The following DMXL1 variants were observed in gnomAD, a reference collection of about 807,000 sequenced individuals.
DMXL1 encodes dmX-like protein 1.
In DMXL1, 99 loss-of-function variants were observed where a neutral mutation model predicts 319.2. The ratio of observed to expected loss-of-function variants is 0.31; its 90% confidence interval spans 0.26 to 0.37. The LOEUF (loss-of-function observed/expected upper bound fraction) is 0.37, where lower values mean the gene tolerates loss of function less well. Among genes scored for constraint, DMXL1 ranks in the 10% least tolerant of loss-of-function variants. The pLI is 1.00. For missense variants in DMXL1, 3,745 were observed against 3,595.6 expected, an observed-to-expected ratio of 1.04 and a Z score of -1.06; for synonymous variants, 1,385 against 1,235.2, an observed-to-expected ratio of 1.12 and a Z score of -2.54.
intron 9 of DMXL1, chr5:119,128,221 G>A (rs1301385618): frequency 1.3e-5 from 5 of 392,532 alleles, no homozygotes; most frequent in Admixed American, 6.2e-5. Flanking sequence ...TGGATACTCT[G>A]GAGAATACAG....
Position 119,221,058 on chromosome 5 carries a change from C to G in DMXL1, c.8254C>G (p.Gln2752Glu). Residue 2752 changes from glutamine (Q) to glutamate (E), a missense_variant, in exon 37 of 44, where the codon CAG (glutamine) becomes GAG (glutamate). This residue lies in a region of DMXL1 where 1,382 missense variants were observed against 1,269.5 expected (regional missense o/e 1.09). Transcript: ENST00000539542. Reference sequence around the variant, plus strand: ...CAACATGCCATGGCTTGGTAGTACACAGACTGGCAGAGGAGCATCTGTGGT... The same window carrying G: ...CAACATGCCATGGCTTGGTAGTACAGAGACTGGCAGAGGAGCATCTGTGGT... ...PINMPWLGSTQTGRGASVMIK... is the reference protein window; with the variant it reads ...PINMPWLGSTETGRGASVMIK... The G allele has an allele frequency of 2.5e-6, 4 of 1,612,502 alleles. No homozygotes were observed. Among genetic ancestry groups the G allele is most frequent in the Non-Finnish European group, 3.4e-6 (4 of 1,179,302 alleles).
chr5:119,080,952 C>G (rs1171966356), intron 1 of DMXL1, among the ~76,000 whole-genome samples: 1 of 152,234 alleles, frequency 6.6e-6, no homozygotes, highest in African/African-American at 2.4e-5. Context: ...ATCTGGCTAA[C>G]TCATCCCTAA....
At position 119,189,726 on chromosome 5, in the gene DMXL1, A is replaced by G. The variant is rs1778372292; in HGVS notation, c.7154A>G (p.Glu2385Gly). The change falls in exon 29 of 44, where the codon GAA becomes GGA. Residue 2385 changes from glutamate (E) to glycine (G), a missense_variant. Transcript: ENST00000539542. ...KTLPVSSLVE[E>G]GEKQNKRFRP... is the part of the protein sequence containing the mutation. ...TTGTTAGTTTCTTCACTAGTTGAAG[A>G]AGGAGAAAAACAGAACAAACGTTTT... 3 of 1,613,900 alleles carry G rather than the reference A, an allele frequency of 1.9e-6. No homozygotes were observed. The highest frequency in any genetic ancestry group is 2.7e-5 in the African/African-American group (2 of 75,016).
At chr5:119,100,966 A>G (rs1047878104) in intron 2 of DMXL1, among the ~76,000 whole-genome samples, 7 of 151,082 alleles carry the variant, frequency 4.6e-5, no homozygotes, top group African/African-American at 1.7e-4. Flanking sequence ...ATTTTTTAGT[A>G]AAGACGGGGT....
chr5:119,147,293 G>A lies in DMXL1; in HGVS notation c.2734G>A (p.Glu912Lys), dbSNP rs1768790244. 1 of 1,613,374 alleles carries A rather than the reference G, an allele frequency of 6.2e-7. No individual in the cohort carries two copies. Among genetic ancestry groups the A allele is most frequent in the African/African-American group, 1.3e-5 (1 of 74,866 alleles). The change falls in exon 17 of 44, where the codon GAA (glutamate) becomes AAA (lysine). Residue 912 changes from glutamate (E) to lysine (K), a missense_variant. Coordinates refer to ENST00000539542, the MANE Select transcript of DMXL1 (RefSeq NM_001290321.3). ...TKLSEAVWQP[E>K]EHYSSSPEKI... Reference sequence around the variant, plus strand: ...ATTATCCGAAGCGGTTTGGCAGCCAGAAGAACATTATTCTTCTTCTCCAGA... The same window carrying A: ...ATTATCCGAAGCGGTTTGGCAGCCAAAAGAACATTATTCTTCTTCTCCAGA...
Position 119,239,001 on chromosome 5 carries a change from C to A in DMXL1, c.8572C>A (p.His2858Asn). 1 of 1,613,748 alleles carries A rather than the reference C, an allele frequency of 6.2e-7. No homozygotes were observed. Among genetic ancestry groups the A allele is most frequent in the South Asian group, 1.1e-5 (1 of 91,054 alleles). ...GTAACCATTCCAGACTTGGCAGTGT[C>A]ATAACAAAACAGCCAATGATTTTGT... The part of the protein sequence containing the change: ...MPKPYLTWQC[H>N]NKTANDFVFV... Residue 2858 changes from histidine (H) to asparagine (N), a missense_variant, in exon 41 of 44, where the codon CAT becomes AAT. Physicochemically the swap from His to Asn is moderately conservative, Grantham distance 68 (BLOSUM62 1). Transcript: ENST00000539542.
At chr5:119,093,913 A>G (rs1221395052) in intron 1 of DMXL1, among the ~76,000 whole-genome samples, 3 of 152,226 alleles carry the variant, frequency 2.0e-5, no homozygotes, top group Admixed American at 2.0e-4. Context: ...ACTCTTCTCA[A>G]TTCCGTGAAG....
At chr5:119,124,269 T>G (rs1245632058) in intron 9 of DMXL1, among the ~76,000 whole-genome samples, 2 of 149,542 alleles carry the variant, frequency 1.3e-5, no homozygotes, top group Non-Finnish European at 3.0e-5. Context: ...GAGCCGAGAT[T>G]ACACTACTGC....
At chr5:119,135,674 C>G (rs975985174) in intron 13 of DMXL1, among the ~76,000 whole-genome samples, 4 of 152,116 alleles carry the variant, frequency 2.6e-5, no homozygotes, top group Non-Finnish European at 1.5e-5. Context: ...CTCACAAGAT[C>G]TGATGATCTT....
At chr5:119,178,769 A>G in intron 28 of DMXL1, 1 of 463,356 alleles carries the variant, frequency 2.2e-6, no homozygotes. Flanking sequence ...ACAGTGGGAC[A>G]GTTTTATTTT....
chr5:119,110,354 A>G, intron 5 of DMXL1, 71 bp downstream of exon 5: 1 of 1,375,358 alleles, frequency 7.3e-7, no homozygotes, highest in Non-Finnish European at 9.6e-7. Flanking sequence ...AATGTATTTT[A>G]GTTGTGTAAA....
intron 9 of DMXL1, among the ~76,000 whole-genome samples, chr5:119,123,463 G>A (rs1762771719): frequency 1.4e-5 from 2 of 144,568 alleles, no homozygotes; most frequent in Admixed American, 1.4e-4. Context: ...AGGAGGAGAG[G>A]TAGAGGGAGA....
chr5:119,236,502 A>T (rs1787780484), intron 39 of DMXL1: 1 of 152,062 alleles, frequency 6.6e-6, no homozygotes, highest in African/African-American at 2.4e-5. Flanking sequence ...CAGCACAAGA[A>T]TGATCTAAAT....
intron 32 of DMXL1, among the ~76,000 whole-genome samples, chr5:119,200,935 G>A (rs1412601548): frequency 2.0e-5 from 3 of 152,158 alleles, no homozygotes; most frequent in African/African-American, 7.2e-5. Flanking sequence ...CTGAAACTTT[G>A]CTAAGTTGTT....
At chr5:119,100,352 C>T (rs921131646) in intron 2 of DMXL1, among the ~76,000 whole-genome samples, 5 of 151,560 alleles carry the variant, frequency 3.3e-5, no homozygotes, top group East Asian at 1.9e-4. Context: ...AGGAGAATCG[C>T]TTGAACCCGG....
rs575087562 is a variant in DMXL1, at chr5:119,127,253, A to G, written c.1103-1958A>G. 2.3e-5 allele frequency: 5 copies of G among 217,096 alleles called. No individual in the cohort carries two copies. The South Asian group carries it at 3.6e-4, about 16-fold the overall frequency. The allele number at this position is 217,096 out of a possible 1,614,324, so 13.4% of individuals were successfully genotyped here. ...GTGCTCACCATATTCAACATCAGCA[A>G]CACCCTTAGGATACTGCCTTCCTCT... On this transcript the variant is annotated intron_variant, in intron 9 of 43. Coordinates refer to ENST00000539542, the MANE Select transcript of DMXL1 (RefSeq NM_001290321.3).
At chr5:119,209,715 TGTA>T (rs1782402374) in intron 34 of DMXL1, among the ~76,000 whole-genome samples, 1 of 152,198 alleles carries the variant, frequency 6.6e-6, no homozygotes, top group African/African-American at 2.4e-5. Context: ...CTAGTAGGTA[TGTA>T]GTAGTAGTTC....
intron 9 of DMXL1, among the ~76,000 whole-genome samples, chr5:119,125,118 T>C (rs1156642223): frequency 6.6e-6 from 1 of 152,220 alleles, no homozygotes; most frequent in Non-Finnish European, 1.5e-5. Flanking sequence ...GCAAACATTA[T>C]GTTGGAAGTC....
intron 16 of DMXL1, 105 bp downstream of exon 16, chr5:119,147,061 A>T: frequency 2.3e-6 from 3 of 1,327,510 alleles, no homozygotes; most frequent in Non-Finnish European, 3.2e-6. Context: ...ATTCTCATTA[A>T]ATGGTGATAA....
Sources: allele counts gnomAD v4.1 joint callset (sites outside exome capture counted in the v4.1 genomes callset), GRCh38; gene constraint gnomAD v4.1.1; regional missense constraint gnomAD v4.1.1; transcripts MANE v1.5; gene names NCBI Gene and HGNC (gene_info 2026-07-23, HGNC 2026-07-21).